Variants in GMCL1 observed in about 807,000 individuals in gnomAD.
GMCL1 encodes germ cell-less 1, spermatogenesis associated, also known as germ cell-less protein-like 1.
A neutral mutation model predicts 75.5 loss-of-function variants in GMCL1; 54 were observed. The ratio of observed to expected loss-of-function variants is 0.71; its 90% CI spans 0.57 to 0.90. The LOEUF (loss-of-function observed/expected upper bound fraction) is 0.90. Among genes scored for constraint, GMCL1 ranks in the 40% least tolerant of loss-of-function variants. The pLI is 0.00. For synonymous variants in GMCL1, 210 were observed against 209.6 expected, an observed-to-expected ratio of 1.00 and a Z score of -0.02; for missense variants, 537 against 622.7, an observed-to-expected ratio of 0.86 and a Z score of 1.47.
intron 9 of GMCL1, among the ~76,000 whole-genome samples, chr2:69,857,508 C>T (rs1675509938): frequency 6.6e-6 from 1 of 152,068 alleles, no homozygotes; most frequent in Non-Finnish European, 1.5e-5. Flanking sequence ...ACTTTCTACC[C>T]AATTACCTCA....
intron 3 of GMCL1, among the ~76,000 whole-genome samples, chr2:69,839,785 T>A (rs962625957): frequency 5.3e-5 from 8 of 152,126 alleles, no homozygotes; most frequent in Admixed American, 5.2e-4. Context: ...TTTGTAAATA[T>A]GCCCACCTGG....
At chr2:69,839,882 A>G (rs1349158683) in intron 3 of GMCL1, among the ~76,000 whole-genome samples, 1 of 152,266 alleles carries the variant, frequency 6.6e-6, no homozygotes, top group South Asian at 2.1e-4. Context: ...AATACTGATT[A>G]TTCCCTATGT....
At chr2:69,848,691 C>T (rs1472659123) in intron 7 of GMCL1, among the ~76,000 whole-genome samples, 1 of 152,126 alleles carries the variant, frequency 6.6e-6, no homozygotes, top group Non-Finnish European at 1.5e-5. Context: ...ATTAAAACTG[C>T]TTTTTGCCAG....
At chr2:69,861,049 G>C (rs745830359) in intron 9 of GMCL1, among the ~76,000 whole-genome samples, 2 of 152,200 alleles carry the variant, frequency 1.3e-5, no homozygotes, top group Non-Finnish European at 2.9e-5. Context: ...TGCCATGTTA[G>C]TCAGGCTGAT....
chr2:69,875,112 C>CT (rs755793246), intron 13 of GMCL1, among the ~76,000 whole-genome samples: 65 of 151,888 alleles, frequency 4.3e-4, no homozygotes, highest in African/African-American at 9.2e-4. Flanking sequence ...TTTATGATTT[C>CT]TTTTTTTTGG....
rs914400616 is a variant in GMCL1, at chr2:69,880,150, C to G, written c.*1146C>G. On this transcript the variant is annotated 3_prime_UTR_variant, in exon 14 of 14. Coordinates refer to ENST00000282570, the MANE Select transcript of GMCL1 (RefSeq NM_178439.5). ...GAAAATAGCCATGTTCATTTTCTTT[C>G]CAGTTAGAGTAAGTACTTCTGTGGT... The G allele has an allele frequency of 2.0e-5, 3 of 152,030 alleles. No homozygotes were observed. Among genetic ancestry groups the G allele is most frequent in the Non-Finnish European group, 4.4e-5 (3 of 67,990 alleles). 9.4% of individuals were successfully genotyped at this position (152,030 alleles called of 1,614,324 possible). A position where few individuals can be genotyped will look rare whatever the true frequency, so the allele number is the denominator to read the frequency against.
At chr2:69,837,501 C>T (rs767638823) in intron 1 of GMCL1, 46 bp from the exon 2 acceptor site, 1 of 1,328,256 alleles carries the variant, frequency 7.5e-7, no homozygotes, top group Non-Finnish European at 1.0e-6. Context: ...ATCAGTAAAA[C>T]ATTCAGTTTT....
chr2:69,834,922 T>C (rs1481388612), intron 1 of GMCL1, among the ~76,000 whole-genome samples: 3 of 152,144 alleles, frequency 2.0e-5, no homozygotes, highest in Non-Finnish European at 4.4e-5. Flanking sequence ...TCTGGGAAAT[T>C]TCCTTTAACT....
intron 9 of GMCL1, among the ~76,000 whole-genome samples, 163 bp from the exon 10 acceptor site, chr2:69,861,113 GAT>G (rs1204999998): frequency 6.6e-6 from 1 of 152,178 alleles, no homozygotes; most frequent in Non-Finnish European, 1.5e-5. Context: ...AAAGTGCTGG[GAT>G]TATAGGCATG....
intron 4 of GMCL1, chr2:69,842,577 A>G (rs940505607): frequency 5.3e-5 from 8 of 152,242 alleles, no homozygotes; most frequent in African/African-American, 1.9e-4. Flanking sequence ...TTTGAATGAA[A>G]AGTAGTATTC....
chr2:69,861,942 C>T (rs548922692), intron 10 of GMCL1, among the ~76,000 whole-genome samples: 26 of 151,974 alleles, frequency 1.7e-4, no homozygotes, highest in Admixed American at 5.9e-4. Context: ...GTGGAGGTTG[C>T]GGTAAGCCAA....
intron 7 of GMCL1, 31 bp downstream of exon 7, chr2:69,847,658 A>G (rs1675193920): frequency 7.5e-7 from 1 of 1,326,478 alleles, no homozygotes; most frequent in African/African-American, 1.4e-5. Flanking sequence ...CATATTATAC[A>G]AGGATGTCAC....
chr2:69,861,613 C>T (rs1025097674), intron 10 of GMCL1, among the ~76,000 whole-genome samples: 1 of 152,102 alleles, frequency 6.6e-6, no homozygotes, highest in Non-Finnish European at 1.5e-5. Flanking sequence ...CTTTGTTTCA[C>T]TTAGTATCAT....
At chr2:69,871,967 A>G in intron 13 of GMCL1, 135 bp downstream of exon 13, 1 of 593,826 alleles carries the variant, frequency 1.7e-6, no homozygotes, top group Non-Finnish European at 2.9e-6. Context: ...TTTTGAAGGT[A>G]AAGATGAAAG....
At chr2:69,840,875 G>A in intron 3 of GMCL1, 67 bp from the exon 4 acceptor site, 2 of 1,014,636 alleles carry the variant, frequency 2.0e-6, no homozygotes, top group Non-Finnish European at 3.0e-6. Flanking sequence ...AGTCGTTGTT[G>A]TTATTTGTAT....
chr2:69,853,617 T>A (rs934947526), intron 8 of GMCL1, among the ~76,000 whole-genome samples: 1 of 152,174 alleles, frequency 6.6e-6, no homozygotes, highest in African/African-American at 2.4e-5. Context: ...CCTGGGTATA[T>A]GTCGTTTAAC....
intron 11 of GMCL1, among the ~76,000 whole-genome samples, chr2:69,865,765 CTTTTA>C (rs1034327276): frequency 1.7e-4 from 26 of 151,952 alleles, no homozygotes; most frequent in African/African-American, 6.3e-4. Context: ...CTATTTAATA[CTTTTA>C]TTTTATGTTA....
intron 1 of GMCL1, among the ~76,000 whole-genome samples, chr2:69,832,963 G>A (rs556848105): frequency 1.3e-5 from 2 of 152,284 alleles, no homozygotes; most frequent in Admixed American, 1.3e-4. Flanking sequence ...TTTGGAATAG[G>A]TGCCCCCACC....
chr2:69,864,642 C>A, intron 10 of GMCL1, among the ~76,000 whole-genome samples: 1 of 97,694 alleles, frequency 1.0e-5, no homozygotes, highest in Non-Finnish European at 2.2e-5. Flanking sequence ...GTTTTTTTTC[C>A]TCTACTCTGG....
Sources: allele counts gnomAD v4.1 joint callset (sites outside exome capture counted in the v4.1 genomes callset), GRCh38; gene constraint gnomAD v4.1.1; transcripts MANE v1.5; gene names NCBI Gene and HGNC (gene_info 2026-07-23, HGNC 2026-07-21).